Variants in WDR93 observed in about 807,000 individuals in gnomAD.
WDR93 encodes WD repeat-containing protein 93.
In WDR93, 73 loss-of-function variants were observed where a neutral mutation model predicts 82.9. The ratio of observed to expected loss-of-function variants is 0.88; its 90% CI spans 0.73 to 1.07. WDR93 has a LOEUF of 1.07. Ranked by LOEUF, WDR93 falls within the 50% of genes least tolerant of loss-of-function variation. The pLI is 0.00. For synonymous variants in WDR93, 283 were observed against 300.1 expected, an observed-to-expected ratio of 0.94 and a Z score of 0.59; for missense variants, 738 against 826.0, an observed-to-expected ratio of 0.89 and a Z score of 1.31.
intron 16 of WDR93, among the ~76,000 whole-genome samples, chr15:89,742,074 T>C (rs1967722676): frequency 6.6e-6 from 1 of 151,644 alleles, no homozygotes; most frequent in Non-Finnish European, 1.5e-5. Context: ...TAAGATAGCA[T>C]TCACCATTTT....
intron 7 of WDR93, chr15:89,721,488 C>A (rs12912017): frequency 0.43 from 65,376 of 152,608 alleles, 14,542 homozygotes; most frequent in African/African-American, 0.49. Context: ...CAGGAGGTCG[C>A]TCCTGCAGTG....
intron 5 of WDR93, among the ~76,000 whole-genome samples, chr15:89,713,164 G>A (rs7176629): frequency 0.19 from 28,686 of 149,530 alleles, 2,977 homozygotes; most frequent in Middle Eastern, 0.29. Flanking sequence ...TCTCCTGGAG[G>A]TAAGAGAATC....
chr15:89,712,396 CTTTTTTTTTTTT>C lies in WDR93; in HGVS notation c.640+304_640+315del, dbSNP rs1170109589. 8.9e-3 allele frequency among the ~76,000 whole-genome samples: 714 copies of C among 80,536 alleles called. 11 individuals carry two copies. The highest frequency in any genetic ancestry group is 0.037 in the African/African-American group (670 of 18,250). The allele number at this position is 80,536 out of a possible 152,430, so 52.8% of individuals were successfully genotyped here. The stretch of plus-strand genomic sequence containing the variant: ...GGATTTCACTAGTTTTTCCACTAAT[CTTTTTTTTTTTT>C]TTTTTTTTTTTGCTCCAAAGTTCAA... On this transcript the variant is annotated intron_variant, in intron 5 of 16. Coordinates refer to ENST00000268130, the MANE Select transcript of WDR93 (RefSeq NM_020212.2).
chr15:89,690,435 A>T, upstream of WDR93: 1 of 623,632 alleles, frequency 1.6e-6, no homozygotes, highest in Non-Finnish European at 2.8e-6. Context: ...CTCGGATACT[A>T]AACTCCCTCC....
intron 7 of WDR93, among the ~76,000 whole-genome samples, chr15:89,718,317 T>A (rs1315076135): frequency 6.6e-6 from 1 of 152,136 alleles, no homozygotes; most frequent in Non-Finnish European, 1.5e-5. Flanking sequence ...CTACTAAAAA[T>A]ACAAAAATTA....
In WDR93 at chr15:89,733,139, G is replaced by A. The variant is rs554919340; in HGVS notation, c.1464G>A (p.Val488=). 1.2e-6 allele frequency: 2 copies of A among 1,614,182 alleles called. No homozygotes were observed. Among genetic ancestry groups the A allele is most frequent in the African/African-American group, 1.3e-5 (1 of 75,046 alleles). ...EGQVKSQMKC[V]VLCTDASLHL... is the part of the protein sequence containing the mutation. ...AAGTGAAATCCCAAATGAAATGTGT[G>A]GTGCTGTGCACAGACGCCTCCCTCC... The change falls in exon 13 of 17, where the codon GTG becomes GTA. Residue 488 remains valine, a synonymous_variant. Transcript: ENST00000268130.
At chr15:89,743,224 T>C (rs1451292199) in intron 16 of WDR93, 68 bp from the exon 17 acceptor site, 31 of 1,531,450 alleles carry the variant, frequency 2.0e-5, no homozygotes, top group African/African-American at 2.7e-5. Context: ...AGTCGAGGTC[T>C]GCCCTGGGGG....
intron 3 of WDR93, chr15:89,703,521 T>C (rs1473935094): frequency 4.4e-6 from 1 of 228,042 alleles, no homozygotes; most frequent in African/African-American, 2.3e-5. Flanking sequence ...AACCAGAGCT[T>C]GCTCTTTTTC....
intron 8 of WDR93, among the ~76,000 whole-genome samples, chr15:89,724,972 G>A (rs1203494337): frequency 6.6e-6 from 1 of 152,136 alleles, no homozygotes; most frequent in African/African-American, 2.4e-5. Context: ...GTGATAGGGT[G>A]ACCAACCATA....
chr15:89,702,439 T>C (rs770115054), intron 2 of WDR93, among the ~76,000 whole-genome samples: 2 of 152,216 alleles, frequency 1.3e-5, no homozygotes, highest in East Asian at 1.9e-4. Context: ...TCTCAACTTA[T>C]TTGTTTTTCT....
chr15:89,733,369 A>T (rs12148753), intron 13 of WDR93, 150 bp downstream of exon 13: 238,022 of 708,450 alleles, frequency 0.34, 42,841 homozygotes, highest in South Asian at 0.38. Flanking sequence ...CACCAATGTC[A>T]CATATATGTT....
Position 89,737,625 on chromosome 15 carries a change from G to T in WDR93, c.1661G>T (p.Arg554Leu). ...GSVCLMDVAK[R>L]EIICAFAPPG... Reference sequence around the variant, plus strand: ...GTGTGCCTTATGGATGTGGCCAAGCGTGAAATCATCTGTGCCTTTGCCCCT... The same window carrying T: ...GTGTGCCTTATGGATGTGGCCAAGCTTGAAATCATCTGTGCCTTTGCCCCT... Residue 554 changes from arginine to leucine, a missense_variant, in exon 15 of 17, where the codon CGT (arginine) becomes CTT (leucine). Transcript: ENST00000268130. The T allele has an allele frequency of 6.2e-7, 1 of 1,614,176 alleles. No homozygotes were observed. The highest frequency in any genetic ancestry group is 8.5e-7 in the Non-Finnish European group (1 of 1,180,040).
At chr15:89,720,419 C>T (rs1596099176) in intron 7 of WDR93, among the ~76,000 whole-genome samples, 1 of 152,066 alleles carries the variant, frequency 6.6e-6, no homozygotes, top group East Asian at 1.9e-4. Context: ...ATTACAGGCA[C>T]ATGTCACCAT....
intron 8 of WDR93, among the ~76,000 whole-genome samples, chr15:89,726,289 C>A (rs1326326502): frequency 2.0e-5 from 3 of 152,246 alleles, no homozygotes; most frequent in African/African-American, 7.2e-5. Flanking sequence ...GGCCCCACCA[C>A]AGAGTTTCTT....
At chr15:89,730,226 G>A (rs1966848228) in intron 11 of WDR93, among the ~76,000 whole-genome samples, 1 of 151,654 alleles carries the variant, frequency 6.6e-6, no homozygotes, top group Non-Finnish European at 1.5e-5. Flanking sequence ...TTGGGAGTCT[G>A]AGGCAGGAGA....
chr15:89,694,698 G>C (rs1965080474), intron 1 of WDR93, among the ~76,000 whole-genome samples: 1 of 152,168 alleles, frequency 6.6e-6, no homozygotes, highest in Non-Finnish European at 1.5e-5. Context: ...TTTTTGAAAA[G>C]GTTTAAATGA....
intron 1 of WDR93, 47 bp from the exon 2 acceptor site, chr15:89,701,660 C>A: frequency 6.8e-7 from 1 of 1,477,766 alleles, no homozygotes; most frequent in South Asian, 1.3e-5. Flanking sequence ...GCTATCTTCT[C>A]ATTGCTTCCT....
rs1967836969 is a variant in WDR93 at position 89,743,489 on chromosome 15, C to T, written c.*98C>T. On this transcript the variant is annotated 3_prime_UTR_variant, in exon 17 of 17. Transcript: ENST00000268130. The stretch of plus-strand genomic sequence containing the variant: ...CAAGAGAAATGTAACAGAGCCACAG[C>T]TCCACAGGCCTGCACTCGGAGTCTG... The T allele has an allele frequency of 1.8e-6, 2 of 1,138,990 alleles. No homozygotes were observed. The highest frequency in any genetic ancestry group is 1.3e-5 in the South Asian group (1 of 76,028). 70.6% of individuals were successfully genotyped at this position (1,138,990 alleles called of 1,614,324 possible). A position where few individuals can be genotyped will look rare whatever the true frequency, so the allele number is the denominator to read the frequency against.
intron 8 of WDR93, among the ~76,000 whole-genome samples, chr15:89,722,363 G>A (rs970345503): frequency 1.3e-5 from 2 of 152,184 alleles, no homozygotes; most frequent in Non-Finnish European, 2.9e-5. Context: ...TGGAAGGTCA[G>A]GAGAAAAAGA....
Sources: allele counts gnomAD v4.1 joint callset (sites outside exome capture counted in the v4.1 genomes callset), GRCh38; gene constraint gnomAD v4.1.1; transcripts MANE v1.5; gene names NCBI Gene and HGNC (gene_info 2026-07-23, HGNC 2026-07-21).